ZNF385B: variants seen among roughly 807,000 people sequenced by gnomAD.
ZNF385B encodes the protein zinc finger protein 385B.
In ZNF385B, 23 loss-of-function variants were observed where a neutral mutation model predicts 39.2. The ratio of observed to expected loss-of-function variants is 0.59; its 90% CI spans 0.42 to 0.83. The LOEUF (loss-of-function observed/expected upper bound fraction) is 0.83. ZNF385B is among the 40% of genes least tolerant of loss of function. The pLI, the probability that ZNF385B is intolerant of heterozygous loss-of-function variation, is 0.00. For missense variants in ZNF385B, 552 were observed against 598.9 expected, an observed-to-expected ratio of 0.92 and a Z score of 0.82; for synonymous variants, 205 against 222.6, an observed-to-expected ratio of 0.92 and a Z score of 0.70.
At chr2:179,545,802 A>C (rs1450381538) in intron 3 of ZNF385B, among the ~76,000 whole-genome samples, 2 of 152,184 alleles carry the variant, frequency 1.3e-5, no homozygotes, top group Non-Finnish European at 2.9e-5. Flanking sequence ...TGAGGCACAC[A>C]AGATATTTTC....
intron 1 of ZNF385B, among the ~76,000 whole-genome samples, chr2:179,796,595 A>G (rs528491699): frequency 1.6e-4 from 25 of 152,316 alleles, no homozygotes; most frequent in African/African-American, 5.3e-4. Context: ...AGCTCGCCTC[A>G]TTAAGGATTC....
chr2:179,679,514 T>C (rs1697309190), intron 3 of ZNF385B, among the ~76,000 whole-genome samples: 1 of 152,206 alleles, frequency 6.6e-6, no homozygotes, highest in Non-Finnish European at 1.5e-5. Flanking sequence ...TACCACTGGA[T>C]CTTGGACTAA....
intron 3 of ZNF385B, among the ~76,000 whole-genome samples, chr2:179,616,374 C>G (rs868795254): frequency 1.3e-5 from 2 of 152,142 alleles, no homozygotes; most frequent in Admixed American, 1.3e-4. Flanking sequence ...TGCTCTGTCA[C>G]CCAGGCTGGA....
chr2:179,829,577 T>G (rs988817805), intron 1 of ZNF385B, among the ~76,000 whole-genome samples: 6 of 152,148 alleles, frequency 3.9e-5, no homozygotes, highest in Non-Finnish European at 5.9e-5. Flanking sequence ...GCAGTGGTGC[T>G]ATCTCGGCTC....
chr2:179,753,503 C>A (rs992827788), intron 3 of ZNF385B, among the ~76,000 whole-genome samples: 1 of 152,168 alleles, frequency 6.6e-6, no homozygotes, highest in African/African-American at 2.4e-5. Flanking sequence ...ATAGGGATAG[C>A]ATTAAATCTA....
At chr2:179,647,521 C>T (rs1204435310) in intron 3 of ZNF385B, among the ~76,000 whole-genome samples, 1 of 152,076 alleles carries the variant, frequency 6.6e-6, no homozygotes, top group East Asian at 1.9e-4. Flanking sequence ...AAAAGAGGAC[C>T]ACAGTCTCCT....
chr2:179,653,026 A>G (rs1435697081), intron 3 of ZNF385B, among the ~76,000 whole-genome samples: 1 of 152,090 alleles, frequency 6.6e-6, no homozygotes, highest in Non-Finnish European at 1.5e-5. Flanking sequence ...TTAGCCCATA[A>G]TATATGCTCA....
chr2:179,491,035 C>A (rs372897065), intron 5 of ZNF385B, among the ~76,000 whole-genome samples: 2 of 152,078 alleles, frequency 1.3e-5, no homozygotes, highest in African/African-American at 4.8e-5. Context: ...ATGATTAGTT[C>A]CTTAATTCTA....
rs544177421 is a variant in ZNF385B, at chr2:179,531,354, C to T, written c.442-12716G>A. 3.3e-5 allele frequency among the ~76,000 whole-genome samples: 5 copies of T among 152,188 alleles called. No homozygotes were observed. The South Asian group carries it at 6.2e-4, about 19-fold the overall frequency. The stretch of plus-strand genomic sequence containing the variant: ...TGTTTATCTAAAACTCCTCTTTAGT[C>T]TGGGTGCAGTAGGGCTCATGCCTGT... On this transcript the variant is annotated intron_variant, in intron 4 of 9. Transcript: ENST00000410066.
Position 179,629,667 on chromosome 2 carries a change from G to T in ZNF385B, c.299-84698C>A, listed in dbSNP as rs539965728. On this transcript the variant is annotated intron_variant, in intron 3 of 9. Coordinates refer to ENST00000410066, the MANE Select transcript of ZNF385B (RefSeq NM_152520.6). ...CTGGTTCATCTCATTGGGACTGGTT[G>T]GACAGTGGGTGCAGCCCATGGAGGA... Among the ~76,000 whole-genome samples the T allele has an allele frequency of 3.9e-5, 6 of 152,296 alleles. No individual in the cohort carries two copies. In the East Asian group the frequency reaches 9.7e-4, roughly 25 times the overall value.
At chr2:179,706,141 A>T (rs1452034011) in intron 3 of ZNF385B, among the ~76,000 whole-genome samples, 1 of 152,206 alleles carries the variant, frequency 6.6e-6, no homozygotes, top group Non-Finnish European at 1.5e-5. Flanking sequence ...ATTTACGGGG[A>T]ATACCAGACC....
At chr2:179,740,644 C>T (rs1329961270) in intron 3 of ZNF385B, among the ~76,000 whole-genome samples, 11 of 152,048 alleles carry the variant, frequency 7.2e-5, no homozygotes, top group African/African-American at 2.2e-4. Context: ...CGTCACACAA[C>T]CAAATAGGAC....
At chr2:179,605,871 A>T (rs977415082) in intron 3 of ZNF385B, among the ~76,000 whole-genome samples, 1 of 152,136 alleles carries the variant, frequency 6.6e-6, no homozygotes, top group African/African-American at 2.4e-5. Context: ...ACAATGAGAA[A>T]GCCAACTTTC....
At chr2:179,854,269 C>A (rs1217243472) in intron 1 of ZNF385B, among the ~76,000 whole-genome samples, 1 of 152,144 alleles carries the variant, frequency 6.6e-6, no homozygotes, top group Non-Finnish European at 1.5e-5. Context: ...GTTTTCTACT[C>A]TTACTTGTAA....
intron 3 of ZNF385B, among the ~76,000 whole-genome samples, chr2:179,641,733 T>C (rs1394835366): frequency 2.0e-5 from 3 of 151,988 alleles, no homozygotes; most frequent in African/African-American, 7.2e-5. Context: ...CTGGTCCCTG[T>C]AGGGAAATCT....
intron 1 of ZNF385B, among the ~76,000 whole-genome samples, chr2:179,823,850 G>C (rs1326155183): frequency 6.6e-6 from 1 of 152,046 alleles, no homozygotes; most frequent in Non-Finnish European, 1.5e-5. Flanking sequence ...AAACACAATG[G>C]TTTGCAGTTA....
At chr2:179,786,853 C>A (rs1705036028) in intron 1 of ZNF385B, among the ~76,000 whole-genome samples, 1 of 151,986 alleles carries the variant, frequency 6.6e-6, no homozygotes, top group Non-Finnish European at 1.5e-5. Context: ...CCAATTTGAT[C>A]TCTAGATTAG....
At chr2:179,584,979 A>G (rs1336040547) in intron 3 of ZNF385B, among the ~76,000 whole-genome samples, 1 of 152,212 alleles carries the variant, frequency 6.6e-6, no homozygotes, top group African/African-American at 2.4e-5. Flanking sequence ...GAGTTTCATA[A>G]CATAGCATAA....
chr2:179,580,133 CCAAT>C (rs1407999820), intron 3 of ZNF385B, among the ~76,000 whole-genome samples: 1 of 152,014 alleles, frequency 6.6e-6, no homozygotes, highest in Non-Finnish European at 1.5e-5. Context: ...CTGCACCATC[CCAAT>C]CATTTTCACC....
Sources: allele counts gnomAD v4.1 joint callset (sites outside exome capture counted in the v4.1 genomes callset), GRCh38; gene constraint gnomAD v4.1.1; transcripts MANE v1.5; gene names NCBI Gene and HGNC (gene_info 2026-07-23, HGNC 2026-07-21).